Variants in GRIN2D observed in about 807,000 individuals in gnomAD.
GRIN2D encodes the protein glutamate ionotropic receptor NMDA type subunit 2D, also known as glutamate receptor ionotropic, NMDA 2D.
A neutral mutation model predicts 103.2 loss-of-function variants in GRIN2D; 37 were observed. The ratio of observed to expected loss-of-function variants is 0.36; its 90% CI spans 0.28 to 0.47. GRIN2D has a LOEUF of 0.47. GRIN2D is among the 20% of genes least tolerant of loss of function. The pLI is 1.00. For missense variants in GRIN2D, 1,557 were observed against 1,910.6 expected, an observed-to-expected ratio of 0.81 and a Z score of 3.45; for synonymous variants, 845 against 885.6, an observed-to-expected ratio of 0.95 and a Z score of 0.81.
At chr19:48,430,043 A>G (rs1250358305) in intron 11 of GRIN2D, among the ~76,000 whole-genome samples, 2 of 152,168 alleles carry the variant, frequency 1.3e-5, no homozygotes, top group African/African-American at 4.8e-5. Context: ...ACTATGGAAG[A>G]CATACTCATA....
At position 48,443,885 on chromosome 19, in the gene GRIN2D, T is replaced by C. The variant is rs1231029576; in HGVS notation, c.3959T>C (p.Leu1320Pro). Residue 1320 changes from leucine to proline, a missense_variant, in exon 14 of 14, where the codon CTG (leucine) becomes CCG (proline). Leu to Pro is a moderately conservative substitution (Grantham distance 98). Coordinates refer to ENST00000263269, the MANE Select transcript of GRIN2D (RefSeq NM_000836.4). The surrounding 1 kb of genome is among the most constrained non-coding windows in gnomAD (Gnocchi z 8.9). ...CACCGGAGACACCGGGGCGGGGACCTGGGCACCCGCAGGGGCTCGGCGCAC... is the reference window on the plus strand; with the variant it reads ...CACCGGAGACACCGGGGCGGGGACCCGGGCACCCGCAGGGGCTCGGCGCAC... ...ASHRRHRGGD[L>P]GTRRGSAHFS... 1 of 1,468,578 alleles carries C rather than the reference T, an allele frequency of 6.8e-7. No homozygotes were observed. Among genetic ancestry groups the C allele is most frequent in the Non-Finnish European group, 9.0e-7 (1 of 1,116,752 alleles). The allele number at this position is 1,468,578 out of a possible 1,614,324, so 91.0% of individuals were successfully genotyped here.
chr19:48,438,289 T>TTTTTTTTTTGTTG (rs1971254601), intron 11 of GRIN2D, among the ~76,000 whole-genome samples: 1 of 15,422 alleles, frequency 6.5e-5, no homozygotes, highest in African/African-American at 1.8e-4. Flanking sequence ...CCAGCCGCCT[T>TTTTTTTTTTGTTG]TTTTTTTTTT....
In GRIN2D at chr19:48,421,726, G is replaced by A; in HGVS notation, c.2092-59G>A. On this transcript the variant is annotated intron_variant, in intron 10 of 13. Coordinates refer to ENST00000263269, the MANE Select transcript of GRIN2D (RefSeq NM_000836.4). The surrounding 1 kb of genome is among the most constrained non-coding windows in gnomAD (Gnocchi z 4.8). ...ATAGCGGGTGTGTCTCAGAATGGGT[G>A]ATTTATGTTAGGGATGTCCCTGCGG... The A allele has an allele frequency of 6.9e-7, 1 of 1,458,164 alleles. No homozygotes were observed. The highest frequency in any genetic ancestry group is 9.5e-7 in the Non-Finnish European group (1 of 1,049,500). The allele number at this position is 1,458,164 out of a possible 1,614,324, so 90.3% of individuals were successfully genotyped here. A position where few individuals can be genotyped will look rare whatever the true frequency, so the allele number is the denominator to read the frequency against.
intron 11 of GRIN2D, among the ~76,000 whole-genome samples, chr19:48,426,603 C>A (rs1459121264): frequency 6.8e-6 from 1 of 148,016 alleles, no homozygotes; most frequent in Non-Finnish European, 1.5e-5. Context: ...TTTATTTTTT[C>A]AGACAGAGTT....
chr19:48,415,354 A>T (rs1276736179), intron 7 of GRIN2D, among the ~76,000 whole-genome samples: 2 of 151,698 alleles, frequency 1.3e-5, no homozygotes, highest in African/African-American at 4.9e-5. Context: ...CTGGGCACAG[A>T]GTGAGACTCA....
chr19:48,443,531 T>C lies in GRIN2D; in HGVS notation c.3605T>C (p.Leu1202Pro), dbSNP rs1971335593. Residue 1202 changes from leucine to proline, a missense_variant, in exon 14 of 14, where the codon CTG (leucine) becomes CCG (proline). Coordinates refer to ENST00000263269, the MANE Select transcript of GRIN2D (RefSeq NM_000836.4). The surrounding 1 kb of genome is among the most constrained non-coding windows in gnomAD (Gnocchi z 8.9). ...CATCTCAGCTGCTCGCACGATGGCC[T>C]GGACGGCGGCTGGTGGGCGCCACCG... ...PRHLSCSHDG[L>P]DGGWWAPPPP... is the part of the protein sequence containing the mutation. 32 of 1,292,182 alleles carry C rather than the reference T, an allele frequency of 2.5e-5. No individual in the cohort carries two copies. The highest frequency in any genetic ancestry group is 2.8e-5 in the Non-Finnish European group (29 of 1,020,396). 80.0% of individuals were successfully genotyped at this position (1,292,182 alleles called of 1,614,324 possible).
intron 11 of GRIN2D, among the ~76,000 whole-genome samples, chr19:48,439,602 C>T (rs1971268737): frequency 6.6e-6 from 1 of 152,238 alleles, no homozygotes; most frequent in Admixed American, 6.5e-5. Context: ...ACTAACTCCA[C>T]AGCCCTGCCC....
chr19:48,420,525 AC>A (rs1971009316), intron 10 of GRIN2D, among the ~76,000 whole-genome samples: 1 of 151,302 alleles, frequency 6.6e-6, no homozygotes, highest in Admixed American at 6.6e-5. Flanking sequence ...TAAAACCAAG[AC>A]AGACAAAAGT....
At chr19:48,395,554 G>A (rs777245371) in intron 2 of GRIN2D, among the ~76,000 whole-genome samples, 2 of 152,006 alleles carry the variant, frequency 1.3e-5, no homozygotes, top group Non-Finnish European at 2.9e-5. Flanking sequence ...AGCACAACTC[G>A]AGGTTGTGGG....
At chr19:48,397,313 C>T (rs1333841806) in intron 2 of GRIN2D, among the ~76,000 whole-genome samples, 1 of 152,012 alleles carries the variant, frequency 6.6e-6, no homozygotes, top group African/African-American at 2.4e-5. Flanking sequence ...CACCTGACCC[C>T]TTTTCCCTCT....
At chr19:48,428,290 G>A (rs973856377) in intron 11 of GRIN2D, among the ~76,000 whole-genome samples, 3 of 151,340 alleles carry the variant, frequency 2.0e-5, no homozygotes, top group African/African-American at 7.3e-5. Context: ...ACCCACCTCA[G>A]CTTCCCAAAG....
In GRIN2D at chr19:48,444,061, G is replaced by A. The variant is rs1971349134; in HGVS notation, c.*124G>A. The A allele has an allele frequency of 1.6e-6, 1 of 606,544 alleles. No individual in the cohort carries two copies. The highest frequency in any genetic ancestry group is 2.5e-6 in the Non-Finnish European group (1 of 395,404). The allele number at this position is 606,544 out of a possible 1,614,324, so 37.6% of individuals were successfully genotyped here. A position where few individuals can be genotyped will look rare whatever the true frequency, so the allele number is the denominator to read the frequency against. On this transcript the variant is annotated 3_prime_UTR_variant, in exon 14 of 14. Coordinates refer to ENST00000263269, the MANE Select transcript of GRIN2D (RefSeq NM_000836.4). The surrounding 1 kb of genome is among the most constrained non-coding windows in gnomAD (Gnocchi z 5.5). ...CAGTGGAACTGGCCGGACCCCGCCT[G>A]GAGCAGCGTCCTGCGCCCCCTGGTT... is the stretch of plus-strand genomic sequence containing the variant.
intron 4 of GRIN2D, among the ~76,000 whole-genome samples, chr19:48,409,695 G>C (rs1442607052): frequency 6.6e-6 from 1 of 152,200 alleles, no homozygotes; most frequent in Non-Finnish European, 1.5e-5. Context: ...CAAGGGGAAG[G>C]AAGGTATGAG....
intron 11 of GRIN2D, among the ~76,000 whole-genome samples, chr19:48,434,274 G>A (rs1971199948): frequency 6.6e-6 from 1 of 151,470 alleles, no homozygotes; most frequent in Non-Finnish European, 1.5e-5. Flanking sequence ...TTTCTTTTGA[G>A]ATGCAGTCTC....
At chr19:48,400,357 C>T (rs1047563354) in intron 3 of GRIN2D, among the ~76,000 whole-genome samples, 1 of 152,202 alleles carries the variant, frequency 6.6e-6, no homozygotes, top group African/African-American at 2.4e-5. Flanking sequence ...GACTGCATCA[C>T]TGTTGTATGC....
intron 11 of GRIN2D, among the ~76,000 whole-genome samples, chr19:48,428,146 C>T (rs1971110205): frequency 6.7e-6 from 1 of 150,062 alleles, no homozygotes; most frequent in African/African-American, 2.5e-5. Context: ...AAGTGATTCT[C>T]CTGCCTCAGC....
At chr19:48,441,223 C>G (rs547236389) in intron 11 of GRIN2D, among the ~76,000 whole-genome samples, 1 of 151,600 alleles carries the variant, frequency 6.6e-6, no homozygotes, top group African/African-American at 2.4e-5. Flanking sequence ...ATTAGCTGGG[C>G]GTGGTAGTGG....
At chr19:48,424,325 C>A (rs1600985230) in intron 11 of GRIN2D, among the ~76,000 whole-genome samples, 1 of 139,900 alleles carries the variant, frequency 7.1e-6, no homozygotes, top group Admixed American at 7.6e-5. Context: ...GGCTGGAGTG[C>A]AGTGGCACAA....
Position 48,442,043 on chromosome 19 carries a change from C to T in GRIN2D, c.2440+87C>T, listed in dbSNP as rs1971301146. The stretch of plus-strand genomic sequence containing the variant: ...GGGAAGAAAGGGACAAAGACCCGGA[C>T]ACCAGGGTCTGAGGGAGGAAGGGGC... On this transcript the variant is annotated intron_variant, in intron 12 of 13. Transcript: ENST00000263269. The surrounding 1 kb of genome is among the most constrained non-coding windows in gnomAD (Gnocchi z 7.2). 2.7e-6 allele frequency: 4 copies of T among 1,492,890 alleles called. No homozygotes were observed. In the Admixed American group the frequency reaches 6.9e-5, roughly 26 times the overall value. The allele number at this position is 1,492,890 out of a possible 1,614,324, so 92.5% of individuals were successfully genotyped here. A position where few individuals can be genotyped will look rare whatever the true frequency, so the allele number is the denominator to read the frequency against.
Sources: allele counts gnomAD v4.1 joint callset (sites outside exome capture counted in the v4.1 genomes callset), GRCh38; gene constraint gnomAD v4.1.1; non-coding constraint Gnocchi (gnomAD v3.1); transcripts MANE v1.5; gene names NCBI Gene and HGNC (gene_info 2026-07-23, HGNC 2026-07-21).